The following NBEAL1 variants were observed in gnomAD, a reference collection of about 807,000 sequenced individuals.
NBEAL1 encodes neurobeachin-like protein 1.
Under a neutral mutation model 351.3 loss-of-function variants are expected in NBEAL1, and 273 were observed. That is an observed-to-expected ratio of 0.78 (90% CI 0.70 to 0.86). The LOEUF is 0.86. Ranked by LOEUF, NBEAL1 falls within the 40% of genes least tolerant of loss-of-function variation. The pLI, the probability that NBEAL1 is intolerant of heterozygous loss-of-function variation, is 0.00. For synonymous variants in NBEAL1, 1,050 were observed against 1,086.4 expected, an observed-to-expected ratio of 0.97 and a Z score of 0.66; for missense variants, 2,961 against 3,201.3, an observed-to-expected ratio of 0.92 and a Z score of 1.81.
chr2:203,154,675 A>C (rs1410815439), intron 35 of NBEAL1, among the ~76,000 whole-genome samples: 1 of 152,110 alleles, frequency 6.6e-6, no homozygotes, highest in Non-Finnish European at 1.5e-5. Context: ...GAACACACCC[A>C]CTTGTAAATT....
intron 7 of NBEAL1, among the ~76,000 whole-genome samples, chr2:203,077,535 T>C (rs925357133): frequency 2.0e-5 from 3 of 152,214 alleles, no homozygotes; most frequent in Admixed American, 6.5e-5. Flanking sequence ...TGGAGAATTA[T>C]GAGAACTAAG....
chr2:203,204,395 A>G (rs1241011770), intron 51 of NBEAL1, among the ~76,000 whole-genome samples: 1 of 149,528 alleles, frequency 6.7e-6, no homozygotes, highest in Admixed American at 6.7e-5. Flanking sequence ...CAGTGGCACA[A>G]TCATGGCTCA....
At chr2:203,188,364 ATT>A in intron 44 of NBEAL1, 106 bp from the exon 45 acceptor site, 1 of 549,442 alleles carries the variant, frequency 1.8e-6, no homozygotes, top group South Asian at 4.8e-5. Flanking sequence ...TGCCAGAAAG[ATT>A]TGTGTGTGGA....
At chr2:203,118,979 T>C (rs951437203) in intron 18 of NBEAL1, among the ~76,000 whole-genome samples, 3 of 151,936 alleles carry the variant, frequency 2.0e-5, no homozygotes, top group African/African-American at 7.2e-5. Context: ...TTTTTTTTTT[T>C]TACCATTGAA....
At chr2:203,093,292 A>G (rs1293402202) in intron 10 of NBEAL1, among the ~76,000 whole-genome samples, 1 of 150,520 alleles carries the variant, frequency 6.6e-6, no homozygotes, top group African/African-American at 2.4e-5. Context: ...CTAGGATACA[A>G]TGTAATTCCT....
intron 49 of NBEAL1, among the ~76,000 whole-genome samples, chr2:203,200,765 GA>G (rs1186858107): frequency 2.0e-5 from 3 of 152,304 alleles, no homozygotes; most frequent in Admixed American, 6.5e-5. Context: ...CCATATATTT[GA>G]AAACTATTTA....
Position 203,223,093 on chromosome 2 carries a change from T to G in NBEAL1, c.*5739T>G, listed in dbSNP as rs1008391643. Among the ~76,000 whole-genome samples the G allele has an allele frequency of 4.6e-5, 7 of 152,174 alleles. No individual in the cohort carries two copies. Among genetic ancestry groups the G allele is most frequent in the Non-Finnish European group, 2.9e-5 (2 of 68,002 alleles). ...TAATTCATCAGACACATCTCCTTCG[T>G]TTGGTGATTATCTCATTGATCTTTG... is the stretch of plus-strand genomic sequence containing the variant. On this transcript the variant is annotated 3_prime_UTR_variant, in exon 56 of 56. Transcript: ENST00000683969.
Position 203,192,294 on chromosome 2 carries a change from A to G in NBEAL1, c.6922-1501A>G, listed in dbSNP as rs147671534. ...TGCTTTACCTTTCTTTTTGTTTTACAAGTGGTGCTAATTAGTTTTTATTGT... is the reference window on the plus strand; with the variant it reads ...TGCTTTACCTTTCTTTTTGTTTTACGAGTGGTGCTAATTAGTTTTTATTGT... On this transcript the variant is annotated intron_variant, in intron 46 of 55. Transcript: ENST00000683969. Among the ~76,000 whole-genome samples, 121 of 152,338 alleles carry G rather than the reference A, an allele frequency of 7.9e-4. 1 individual carries two copies. The East Asian group carries it at 0.019, about 24-fold the overall frequency.
chr2:203,133,086 A>G lies in NBEAL1; in HGVS notation c.3753A>G (p.Leu1251=), dbSNP rs1366186911. The change falls in exon 27 of 56, where the codon CTA becomes CTG. Residue 1251 remains leucine (L), a synonymous_variant. Transcript: ENST00000683969. ...CTGTTATTAATTTCAAAGATCTACT[A>G]TCTGTGGTATATATATCTCACAGAG... ...TDPVINFKDL[L]SVVYISHRAH... The G allele has an allele frequency of 1.3e-6, 2 of 1,510,006 alleles. No homozygotes were observed. The highest frequency in any genetic ancestry group is 1.8e-6 in the Non-Finnish European group (2 of 1,118,282). The allele number at this position is 1,510,006 out of a possible 1,614,324, so 93.5% of individuals were successfully genotyped here. A position where few individuals can be genotyped will look rare whatever the true frequency, so the allele number is the denominator to read the frequency against.
intron 10 of NBEAL1, among the ~76,000 whole-genome samples, chr2:203,091,632 GTGT>G (rs2062066186): frequency 6.6e-6 from 1 of 152,180 alleles, no homozygotes. Context: ...GCCAGCAGTA[GTGT>G]TGTTTTTTTT....
chr2:203,170,768 T>A (rs1244878999), intron 39 of NBEAL1, among the ~76,000 whole-genome samples: 2 of 152,196 alleles, frequency 1.3e-5, no homozygotes, highest in Non-Finnish European at 2.9e-5. Context: ...GCCTCTGCAA[T>A]AAACTTTATT....
intron 10 of NBEAL1, among the ~76,000 whole-genome samples, chr2:203,089,864 G>A (rs761039624): frequency 6.6e-6 from 1 of 152,088 alleles, no homozygotes; most frequent in Non-Finnish European, 1.5e-5. Flanking sequence ...CTAAATATCT[G>A]CTTTTGTCTC....
intron 14 of NBEAL1, among the ~76,000 whole-genome samples, chr2:203,108,604 C>A (rs542486494): frequency 6.6e-6 from 1 of 151,988 alleles, no homozygotes; most frequent in Non-Finnish European, 1.5e-5. Flanking sequence ...GGGGTTTCAC[C>A]GTGTTAGCCA....
intron 11 of NBEAL1, among the ~76,000 whole-genome samples, chr2:203,098,055 A>C (rs916812116): frequency 6.6e-6 from 1 of 152,172 alleles, no homozygotes; most frequent in Non-Finnish European, 1.5e-5. Flanking sequence ...TTATAATTCA[A>C]TGGACAACCT....
At chr2:203,094,336 A>C (rs888054177) in intron 10 of NBEAL1, among the ~76,000 whole-genome samples, 2 of 152,222 alleles carry the variant, frequency 1.3e-5, no homozygotes, top group African/African-American at 4.8e-5. Context: ...ATGAAAACCT[A>C]ACTCCCCAAA....
At chr2:203,172,382 G>T (rs373134005) in intron 40 of NBEAL1, among the ~76,000 whole-genome samples, 8 of 152,036 alleles carry the variant, frequency 5.3e-5, no homozygotes, top group African/African-American at 1.9e-4. Context: ...TTATCTGGGC[G>T]TGGTGGTGCA....
chr2:203,047,194 G>A (rs544316557), intron 3 of NBEAL1, among the ~76,000 whole-genome samples: 39 of 151,208 alleles, frequency 2.6e-4, no homozygotes, highest in South Asian at 1.5e-3. Context: ...CTGAGATTGC[G>A]CCATTGCACC....
chr2:203,133,257 C>A, intron 27 of NBEAL1, 111 bp downstream of exon 27: 1 of 452,742 alleles, frequency 2.2e-6, no homozygotes. Context: ...TTATAAATGA[C>A]GTAATTTTAT....
Position 203,057,326 on chromosome 2 carries a change from T to A in NBEAL1, c.388T>A (p.Leu130Ile), listed in dbSNP as rs778553798. Residue 130 changes from leucine (L) to isoleucine (I), a missense_variant and splice_region_variant, in exon 6 of 56, where the codon TTA becomes ATA. Physicochemically the swap from Leu to Ile is conservative, Grantham distance 5 (BLOSUM62 2). Coordinates refer to ENST00000683969, the MANE Select transcript of NBEAL1 (RefSeq NM_001378026.1). ...AATTTATGTTTAACTTTGTTCTCAG[T>A]TAAAAAGCAAAAAAAAAGAGAAGGA... is the stretch of plus-strand genomic sequence containing the variant. ...ITMTTLYIQQLKSKKKEKEMA... is the reference protein window; with the variant it reads ...ITMTTLYIQQIKSKKKEKEMA... 9 of 1,547,622 alleles carry A rather than the reference T, an allele frequency of 5.8e-6. No homozygotes were observed. Among genetic ancestry groups the A allele is most frequent in the Non-Finnish European group, 7.9e-6 (9 of 1,144,600 alleles).
Sources: allele counts gnomAD v4.1 joint callset (sites outside exome capture counted in the v4.1 genomes callset), GRCh38; gene constraint gnomAD v4.1.1; transcripts MANE v1.5; gene names NCBI Gene and HGNC (gene_info 2026-07-23, HGNC 2026-07-21).